MACF1: variants seen among roughly 807,000 people sequenced by gnomAD.
MACF1 encodes the protein microtubule-actin cross-linking factor 1.
MACF1 carries 193 observed loss-of-function variants against 854.8 expected under a neutral mutation model. The observed-to-expected ratio is 0.23, with a 90% CI of 0.20 to 0.25. MACF1 has a LOEUF of 0.25. MACF1 is among the 10% of genes least tolerant of loss of function. The pLI is 1.00. For synonymous variants in MACF1, 3,185 were observed against 3,226.7 expected, an observed-to-expected ratio of 0.99 and a Z score of 0.44; for missense variants, 7,722 against 8,929.1, an observed-to-expected ratio of 0.86 and a Z score of 5.45.
intron 2 of MACF1, among the ~76,000 whole-genome samples, chr1:39,110,227 G>GTTTT (rs1369602233): frequency 1.5e-5 from 1 of 65,598 alleles, no homozygotes; most frequent in Non-Finnish European, 3.2e-5. Flanking sequence ...AGTGGATGTT[G>GTTTT]TTCTTTTTTT....
In MACF1 at chr1:39,285,703, G is replaced by C. The variant is rs1410023225; in HGVS notation, c.1453G>C (p.Asp485His). ...CEGLIRQLQV[D>H]LQILRDENYY... ...AGGTCTCATCAGGCAGCTGCAGGTG[G>C]ATCTCCAGATCCTGCGGGATGAGAA... The change falls in exon 14 of 101, where the codon GAT becomes CAT. Residue 485 changes from aspartate to histidine, a missense_variant. Around this residue, in one of 15 missense-constraint regions of MACF1, gnomAD observed 1,137 missense variants for 1,263.0 expected, o/e 0.90. Coordinates refer to ENST00000564288, the MANE Select transcript of MACF1 (RefSeq NM_001394062.1). 2 of 1,614,098 alleles carry C rather than the reference G, an allele frequency of 1.2e-6. No homozygotes were observed. The highest frequency in any genetic ancestry group is 1.3e-5 in the African/African-American group (1 of 75,002).
chr1:39,351,918 G>A (rs1375427463), intron 43 of MACF1, among the ~76,000 whole-genome samples: 1 of 152,062 alleles, frequency 6.6e-6, no homozygotes, highest in Admixed American at 6.6e-5. Flanking sequence ...AGTCTAGACT[G>A]GTGATCTAAG....
chr1:39,120,979 G>A (rs772534036), intron 2 of MACF1: 4 of 152,292 alleles, frequency 2.6e-5, no homozygotes, highest in Non-Finnish European at 4.4e-5. Flanking sequence ...TGTCATCCTT[G>A]TGCAGGGGCC....
chr1:39,177,180 G>A (rs1644040319), intron 2 of MACF1, among the ~76,000 whole-genome samples: 1 of 152,132 alleles, frequency 6.6e-6, no homozygotes, highest in Admixed American at 6.5e-5. Flanking sequence ...TTGTTGCCCA[G>A]GCTGGAGTGC....
At chr1:39,281,242 A>G (rs1004988423) in intron 6 of MACF1, among the ~76,000 whole-genome samples, 24 of 152,174 alleles carry the variant, frequency 1.6e-4, no homozygotes, top group African/African-American at 5.3e-4. Context: ...ATCCCCTGTA[A>G]TGTTACTCCA....
Position 39,361,502 on chromosome 1 carries a change from A to G in MACF1, c.12596A>G (p.Gln4199Arg), listed in dbSNP as rs1469891930. The change falls in exon 49 of 101, where the codon CAG becomes CGG. Residue 4199 changes from glutamine (Q) to arginine (R), a missense_variant. Gln to Arg is a conservative substitution (Grantham distance 43). Transcript: ENST00000564288. ...KLAEVSQRFE[Q>R]LCLQQQEKES... ...GCAGAGGTGAGCCAGCGGTTCGAAC[A>G]GCTCTGTCTACAGCAGCAAGAAAAG... The G allele has an allele frequency of 1.2e-6, 2 of 1,614,244 alleles. No homozygotes were observed. The highest frequency in any genetic ancestry group is 1.7e-6 in the Non-Finnish European group (2 of 1,180,048).
chr1:39,388,909 C>G (rs1199962836), intron 58 of MACF1, among the ~76,000 whole-genome samples: 3 of 108,144 alleles, frequency 2.8e-5, no homozygotes, highest in East Asian at 6.6e-4. Flanking sequence ...GACAGGGTCT[C>G]TCTCTCTCAC....
intron 66 of MACF1, among the ~76,000 whole-genome samples, chr1:39,431,474 A>G (rs542102966): frequency 6.2e-4 from 94 of 152,330 alleles, no homozygotes; most frequent in African/African-American, 2.2e-3. Flanking sequence ...ATAAGTTAAT[A>G]TAACTCCTTA....
At chr1:39,269,831 AC>A (rs35670096) in intron 6 of MACF1, 2 of 871,076 alleles carry the variant, frequency 2.3e-6, no homozygotes, top group East Asian at 6.4e-5. Context: ...TCTCAAACTT[AC>A]CCCCATGTGG....
At chr1:39,437,062 G>C (rs1643995042) in intron 70 of MACF1, among the ~76,000 whole-genome samples, 1 of 152,106 alleles carries the variant, frequency 6.6e-6, no homozygotes, top group Non-Finnish European at 1.5e-5. Context: ...CATCTAACTT[G>C]TTGGTCTAGT....
rs185755146 is a variant in MACF1 at position 39,291,469 on chromosome 1, A to C, written c.1786-441A>C. ...ACAATAAATAAAAATATCCCAAAGTAACCTGTTTTAAAATTATCTTCCATT... is the reference window on the plus strand; with the variant it reads ...ACAATAAATAAAAATATCCCAAAGTCACCTGTTTTAAAATTATCTTCCATT... On this transcript the variant is annotated intron_variant, in intron 15 of 100. Transcript: ENST00000564288. Among the ~76,000 whole-genome samples the C allele has an allele frequency of 6.6e-5, 10 of 152,356 alleles. No individual in the cohort carries two copies. The East Asian group carries it at 1.7e-3, about 26-fold the overall frequency.
intron 2 of MACF1, among the ~76,000 whole-genome samples, chr1:39,088,155 G>C (rs1250751969): frequency 6.6e-6 from 1 of 152,064 alleles, no homozygotes; most frequent in African/African-American, 2.4e-5. Flanking sequence ...TGTATTTTTA[G>C]TAGAGACGGG....
At chr1:39,481,570 T>C (rs1279856288) in intron 99 of MACF1, among the ~76,000 whole-genome samples, 1 of 152,198 alleles carries the variant, frequency 6.6e-6, no homozygotes, top group East Asian at 1.9e-4. Context: ...GACCTGAGGC[T>C]CACATTCTAG....
rs368270429 is a variant in MACF1, at chr1:39,451,238, G to C, written c.20418+27G>C. On this transcript the variant is annotated intron_variant, in intron 85 of 100. Transcript: ENST00000564288. ...TAGGGGTGAGGTCTGGGCTACATTG[G>C]AGTGCAGTGGGTCTTCTGTATATGA... 2.5e-6 allele frequency: 4 copies of C among 1,605,944 alleles called. No homozygotes were observed. The Admixed American group carries it at 6.8e-5, about 27-fold the overall frequency.
chr1:39,414,578 T>G, intron 58 of MACF1: 1 of 1,528,892 alleles, frequency 6.5e-7, no homozygotes, highest in Non-Finnish European at 8.8e-7. Context: ...GTTCTTTTGT[T>G]CTTTTTGGGT....
rs377330278 is a variant in MACF1 at position 39,455,142 on chromosome 1, G to A, written c.21075+45G>A. ...TGATCACTGGTGTTTTCCGTGTTGG[G>A]CATGGAGACCATCTCTGTTGCCCTG... On this transcript the variant is annotated intron_variant, in intron 89 of 100. Coordinates refer to ENST00000564288, the MANE Select transcript of MACF1 (RefSeq NM_001394062.1). 4 of 1,577,932 alleles carry A rather than the reference G, an allele frequency of 2.5e-6. No homozygotes were observed. The South Asian group carries it at 3.4e-5, about 13-fold the overall frequency.
intron 6 of MACF1, among the ~76,000 whole-genome samples, chr1:39,269,918 T>C (rs1189589870): frequency 2.0e-5 from 3 of 152,176 alleles, no homozygotes; most frequent in Non-Finnish European, 4.4e-5. Context: ...AAGACTTGTC[T>C]CTGGGGAATC....
rs74066782 is a variant in MACF1, at chr1:39,414,341, T to C, written c.15817-8033T>C. On this transcript the variant is annotated intron_variant, in intron 58 of 100. Coordinates refer to ENST00000564288, the MANE Select transcript of MACF1 (RefSeq NM_001394062.1). Reference sequence around the variant, plus strand: ...ATTTCAGAAGAAGGAACACCTGTTCTAGAGGAGGCTTCCTCCACTGGAATG... The same window carrying C: ...ATTTCAGAAGAAGGAACACCTGTTCCAGAGGAGGCTTCCTCCACTGGAATG... The C allele has an allele frequency of 2.9e-3, 4,664 of 1,613,986 alleles. 86 individuals are homozygous for C. In the African/African-American group the frequency reaches 0.05, roughly 17 times the overall value.
At chr1:39,093,986 C>A (rs985660573) in intron 2 of MACF1, among the ~76,000 whole-genome samples, 2 of 151,578 alleles carry the variant, frequency 1.3e-5, no homozygotes, top group Non-Finnish European at 2.9e-5. Flanking sequence ...ACCGCGTTGG[C>A]CAGGCTGGTC....
Sources: allele counts gnomAD v4.1 joint callset (sites outside exome capture counted in the v4.1 genomes callset), GRCh38; gene constraint gnomAD v4.1.1; regional missense constraint gnomAD v4.1.1; transcripts MANE v1.5; gene names NCBI Gene and HGNC (gene_info 2026-07-23, HGNC 2026-07-21).